Variants in NR1H4 observed in about 807,000 individuals in gnomAD.
NR1H4 encodes bile acid receptor.
In NR1H4, 23 loss-of-function variants were observed where a neutral mutation model predicts 58.5. The observed-to-expected ratio is 0.39, with a 90% CI of 0.28 to 0.56. The LOEUF is 0.56. NR1H4 is among the 20% of genes least tolerant of loss of function. The probability of loss-of-function intolerance (pLI) is 0.58; values close to 1 mark genes in which losing one functional copy is unlikely to be tolerated. For synonymous variants in NR1H4, 214 were observed against 198.0 expected, an observed-to-expected ratio of 1.08 and a Z score of -0.68; for missense variants, 487 against 576.9, an observed-to-expected ratio of 0.84 and a Z score of 1.60.
chr12:100,489,369 C>T (rs73155609), intron 1 of NR1H4, among the ~76,000 whole-genome samples: 4 of 152,132 alleles, frequency 2.6e-5, no homozygotes, highest in South Asian at 4.2e-4. Flanking sequence ...GTTTCTGAAC[C>T]GTGCAGTCTT....
rs530178782 is a variant in NR1H4, at chr12:100,504,002, G to A, written c.80-6776G>A. Among the ~76,000 whole-genome samples the A allele has an allele frequency of 9.9e-5, 15 of 152,100 alleles. No homozygotes were observed. The South Asian group carries it at 3.1e-3, about 32-fold the overall frequency. On this transcript the variant is annotated intron_variant, in intron 3 of 10. Coordinates refer to ENST00000392986, the MANE Select transcript of NR1H4 (RefSeq NM_001206979.2). ...TCATGAAATTTTGTTTCAGTTACAT[G>A]TGTATAAGTATGTACGAGGGATATG...
chr12:100,500,869 C>A (rs1380918431), intron 3 of NR1H4, among the ~76,000 whole-genome samples: 3 of 152,084 alleles, frequency 2.0e-5, no homozygotes, highest in Non-Finnish European at 4.4e-5. Context: ...CTTTTTTCTT[C>A]ATAAATTGCC....
chr12:100,541,514 T>C (rs1288987665), intron 9 of NR1H4, among the ~76,000 whole-genome samples: 1 of 152,106 alleles, frequency 6.6e-6, no homozygotes, highest in East Asian at 1.9e-4. Context: ...ACTCTTGGTC[T>C]CAAGCGATCA....
intron 1 of NR1H4, among the ~76,000 whole-genome samples, chr12:100,486,568 C>T (rs1593040121): frequency 1.3e-5 from 2 of 152,250 alleles, no homozygotes; most frequent in East Asian, 1.9e-4. Context: ...TAAATATCTA[C>T]GTTTGGCACC....
intron 4 of NR1H4, chr12:100,525,275 C>A (rs1954528089): frequency 6.6e-6 from 1 of 152,110 alleles, no homozygotes; most frequent in Non-Finnish European, 1.5e-5. Flanking sequence ...GTGTGTCAGG[C>A]CAACTGCATG....
intron 4 of NR1H4, among the ~76,000 whole-genome samples, chr12:100,515,627 G>A (rs968985844): frequency 6.6e-6 from 1 of 152,140 alleles, no homozygotes; most frequent in African/African-American, 2.4e-5. Flanking sequence ...AAATAAAAAT[G>A]TAAAAAATAA....
At position 100,511,076 on chromosome 12, in the gene NR1H4, G is replaced by A; in HGVS notation, c.378G>A (p.Leu126=). 6.2e-7 allele frequency: 1 copy of A among 1,614,270 alleles called. No individual in the cohort carries two copies. Among genetic ancestry groups the A allele is most frequent in the Non-Finnish European group, 8.5e-7 (1 of 1,180,052 alleles). ...CAGGGAGGATCAAAGGGGATGAGCT[G>A]TGTGTTGTTTGTGGAGACAGAGCCT... ...ASAGRIKGDE[L]CVVCGDRASG... The change falls in exon 4 of 11, where the codon CTG becomes CTA. Residue 126 remains leucine, a synonymous_variant. Transcript: ENST00000392986.
At chr12:100,516,052 A>G (rs1290933988) in intron 4 of NR1H4, among the ~76,000 whole-genome samples, 1 of 152,242 alleles carries the variant, frequency 6.6e-6, no homozygotes, top group Admixed American at 6.5e-5. Flanking sequence ...TAAAAATCAT[A>G]TCCAAAATCT....
chr12:100,477,081 C>G (rs1005343340), intron 1 of NR1H4, among the ~76,000 whole-genome samples: 2 of 152,152 alleles, frequency 1.3e-5, no homozygotes, highest in Admixed American at 6.5e-5. Flanking sequence ...TCTCTCCCTT[C>G]TCTCACCCTG....
chr12:100,523,028 T>A (rs1404204928), intron 4 of NR1H4, among the ~76,000 whole-genome samples: 4 of 152,204 alleles, frequency 2.6e-5, no homozygotes, highest in Non-Finnish European at 4.4e-5. Flanking sequence ...CATATGCATG[T>A]GTCTTTTTAT....
chr12:100,478,281 G>GA (rs1953312163), intron 1 of NR1H4, among the ~76,000 whole-genome samples: 1 of 152,088 alleles, frequency 6.6e-6, no homozygotes, highest in African/African-American at 2.4e-5. Context: ...TATTAATTTA[G>GA]AAAAATATCT....
chr12:100,558,624 G>T (rs1955390847), intron 9 of NR1H4, among the ~76,000 whole-genome samples: 2 of 152,228 alleles, frequency 1.3e-5, no homozygotes, highest in Admixed American at 1.3e-4. Flanking sequence ...CTCCTTAAGT[G>T]TTGGGATTAT....
chr12:100,554,497 C>T (rs562519242), intron 9 of NR1H4, among the ~76,000 whole-genome samples: 115 of 151,734 alleles, frequency 7.6e-4, no homozygotes, highest in African/African-American at 2.7e-3. Context: ...TTTAAAACAC[C>T]TAAAGCAGTA....
intron 4 of NR1H4, among the ~76,000 whole-genome samples, chr12:100,516,467 C>A (rs771453441): frequency 6.6e-6 from 1 of 151,974 alleles, no homozygotes; most frequent in African/African-American, 2.4e-5. Context: ...CCCGGGTTCA[C>A]GCCATTCTCC....
intron 3 of NR1H4, chr12:100,503,279 A>G: frequency 1.5e-6 from 2 of 1,369,146 alleles, no homozygotes; most frequent in Non-Finnish European, 9.6e-7. Context: ...CCTCATAAAC[A>G]TTTACAAATA....
At chr12:100,551,607 G>A (rs1417461471) in intron 9 of NR1H4, among the ~76,000 whole-genome samples, 1 of 152,206 alleles carries the variant, frequency 6.6e-6, no homozygotes, top group African/African-American at 2.4e-5. Flanking sequence ...AACCTTCCTT[G>A]GATTAAGAGG....
At chr12:100,478,068 C>G (rs1593030014) in intron 1 of NR1H4, among the ~76,000 whole-genome samples, 3 of 151,940 alleles carry the variant, frequency 2.0e-5, no homozygotes, top group Non-Finnish European at 4.4e-5. Context: ...AGATTGAGCC[C>G]TAATGTAAAC....
At chr12:100,513,797 A>T (rs908200851) in intron 4 of NR1H4, among the ~76,000 whole-genome samples, 15 of 126,676 alleles carry the variant, frequency 1.2e-4, no homozygotes, top group South Asian at 5.1e-4. Flanking sequence ...TCCGTCAAAG[A>T]CAGAAAGGAA....
chr12:100,510,635 A>ATATATATATATATATT (rs1593070948), intron 3 of NR1H4, 143 bp from the exon 4 acceptor site: 1 of 445,936 alleles, frequency 2.2e-6, no homozygotes, highest in African/African-American at 2.1e-5. Flanking sequence ...ATATATATAT[A>ATATATATATATATATT]CTCTAAAGAA....
Sources: gnomAD v4.1 joint callset for allele counts (sites outside exome capture counted in the v4.1 genomes callset) on GRCh38, gnomAD v4.1.1 for gene constraint, MANE v1.5 for transcripts, NCBI Gene and HGNC (gene_info 2026-07-23, HGNC 2026-07-21) for gene names.